MVB12B: variants seen among roughly 807,000 people sequenced by gnomAD.
MVB12B encodes the protein ESCRT-I complex subunit MVB12B.
In MVB12B, 16 loss-of-function variants were observed where a neutral mutation model predicts 41.6. The observed-to-expected ratio is 0.38, with a 90% CI of 0.26 to 0.58. MVB12B has a LOEUF of 0.58. Ranked by LOEUF, MVB12B falls within the 20% of genes least tolerant of loss-of-function variation. The probability of loss-of-function intolerance (pLI) is 0.62; values close to 1 mark genes in which losing one functional copy is unlikely to be tolerated. For missense variants in MVB12B, 274 were observed against 380.2 expected (o/e 0.72, Z 2.32); for synonymous variants, 133 against 139.7 (o/e 0.95, Z 0.34).
rs1026562656 is a variant in MVB12B at position 126,346,556 on chromosome 9, C to T, written c.204+5926C>T. Among the ~76,000 whole-genome samples the T allele has an allele frequency of 3.9e-5, 6 of 152,134 alleles. No homozygotes were observed. In the East Asian group the frequency reaches 7.8e-4, roughly 20 times the overall value. ...TTTGAGCTGCTTGTATGACATCTAG[C>T]GGAGCCCTGGGGCTGAAGGTCTGGA... On this transcript the variant is annotated intron_variant, in intron 2 of 9. Transcript: ENST00000361171.
chr9:126,361,167 T>A (rs1418681656), intron 2 of MVB12B, among the ~76,000 whole-genome samples: 1 of 152,182 alleles, frequency 6.6e-6, no homozygotes, highest in Non-Finnish European at 1.5e-5. Context: ...CAACATTTTT[T>A]ATTAATTATT....
chr9:126,390,951 C>CAA (rs1214109113), intron 4 of MVB12B, among the ~76,000 whole-genome samples: 18 of 76,574 alleles, frequency 2.4e-4, no homozygotes, highest in East Asian at 6.8e-4. Flanking sequence ...GACTCCATCT[C>CAA]AAAAAAAAAA....
intron 5 of MVB12B, among the ~76,000 whole-genome samples, chr9:126,394,955 C>T (rs903568570): frequency 6.6e-6 from 1 of 151,966 alleles, no homozygotes; most frequent in Non-Finnish European, 1.5e-5. Flanking sequence ...TAGTAGGGGG[C>T]GGGGCTGTGG....
intron 7 of MVB12B, among the ~76,000 whole-genome samples, chr9:126,461,383 A>G (rs758860017): frequency 2.2e-4 from 34 of 152,204 alleles, no homozygotes; most frequent in Non-Finnish European, 4.6e-4. Context: ...AAAAAAAAAA[A>G]GAGCTAAACA....
intron 7 of MVB12B, among the ~76,000 whole-genome samples, chr9:126,450,664 C>G (rs1183389345): frequency 6.6e-6 from 1 of 152,162 alleles, no homozygotes; most frequent in Non-Finnish European, 1.5e-5. Flanking sequence ...GAGTGCTTCA[C>G]CCAAACTCTC....
intron 2 of MVB12B, among the ~76,000 whole-genome samples, chr9:126,378,818 C>T (rs1830559703): frequency 6.6e-6 from 1 of 152,138 alleles, no homozygotes; most frequent in South Asian, 2.1e-4. Context: ...AACAGTGAAG[C>T]GTGGGCTCAA....
intron 6 of MVB12B, among the ~76,000 whole-genome samples, chr9:126,409,081 G>C (rs903203395): frequency 3.2e-4 from 48 of 152,122 alleles, no homozygotes; most frequent in African/African-American, 9.9e-4. Flanking sequence ...ATTCTGCTGA[G>C]CCCCTGGCCA....
At chr9:126,449,534 T>C (rs1213254547) in intron 7 of MVB12B, among the ~76,000 whole-genome samples, 2 of 152,132 alleles carry the variant, frequency 1.3e-5, no homozygotes, top group Non-Finnish European at 2.9e-5. Context: ...TCATTCTTCA[T>C]GGTTAAGAAT....
intron 6 of MVB12B, among the ~76,000 whole-genome samples, chr9:126,406,227 C>T (rs1328294408): frequency 6.6e-6 from 1 of 152,192 alleles, no homozygotes; most frequent in Admixed American, 6.5e-5. Context: ...CTCAGGGCTT[C>T]CTGATGGAAC....
chr9:126,386,351 T>G lies in MVB12B; in HGVS notation c.313-211T>G, dbSNP rs1315360774. On this transcript the variant is annotated intron_variant, in intron 3 of 9. Coordinates refer to ENST00000361171, the MANE Select transcript of MVB12B (RefSeq NM_033446.3). The surrounding 1 kb of genome is among the most constrained non-coding windows in gnomAD (Gnocchi z 4.3). ...CAAGGCCGTGTCTGAGTTGAGTGGCTTTGAGGTTCCGCAGATGAAACTCCT... is the reference window on the plus strand; with the variant it reads ...CAAGGCCGTGTCTGAGTTGAGTGGCGTTGAGGTTCCGCAGATGAAACTCCT... Among the ~76,000 whole-genome samples, 1 of 152,166 alleles carries G rather than the reference T, an allele frequency of 6.6e-6. No homozygotes were observed. The highest frequency in any genetic ancestry group is 1.5e-5 in the Non-Finnish European group (1 of 68,034).
chr9:126,484,001 C>A lies in MVB12B; in HGVS notation c.842C>A (p.Thr281Asn). 6.2e-7 allele frequency: 1 copy of A among 1,614,078 alleles called. No homozygotes were observed. The highest frequency in any genetic ancestry group is 1.1e-5 in the South Asian group (1 of 91,074). The change falls in exon 9 of 10, where the codon ACC (threonine) becomes AAC (asparagine). Residue 281 changes from threonine (T) to asparagine (N), a missense_variant. Coordinates refer to ENST00000361171, the MANE Select transcript of MVB12B (RefSeq NM_033446.3). ...SMQPFDLLGI[T>N]IKSLAEIEKE... ...CAGCCCTTTGATCTCCTGGGAATCACCATCAAATCTCTAGCAGAAATCGAA... is the reference window on the plus strand; with the variant it reads ...CAGCCCTTTGATCTCCTGGGAATCAACATCAAATCTCTAGCAGAAATCGAA...
In MVB12B at chr9:126,505,498, T is replaced by C. The variant is rs562175310; in HGVS notation, c.*2235T>C. 1 of 152,314 alleles carries C rather than the reference T, an allele frequency of 6.6e-6. No homozygotes were observed. Among genetic ancestry groups the C allele is most frequent in the East Asian group, 1.9e-4 (1 of 5,174 alleles). 9.4% of individuals were successfully genotyped at this position (152,314 alleles called of 1,614,324 possible). ...TCTCCATAGCATTACGGACTTAGCATAAGAGTAAATGACTGTGAACGTTGT... is the reference window on the plus strand; with the variant it reads ...TCTCCATAGCATTACGGACTTAGCACAAGAGTAAATGACTGTGAACGTTGT... On this transcript the variant is annotated 3_prime_UTR_variant, in exon 10 of 10. Coordinates refer to ENST00000361171, the MANE Select transcript of MVB12B (RefSeq NM_033446.3).
In MVB12B at chr9:126,436,132, A is replaced by G. The variant is rs1257987428; in HGVS notation, c.757+14184A>G. On this transcript the variant is annotated intron_variant, in intron 7 of 9. Coordinates refer to ENST00000361171, the MANE Select transcript of MVB12B (RefSeq NM_033446.3). This position sits in a 1 kb window ranked among gnomAD's most constrained non-coding sequence, Gnocchi z 4.1. ...GAGATGCTGTTTTTTGGATCACTGCACAAGAATTGCTTTTATCTTCATCTT... is the reference window on the plus strand; with the variant it reads ...GAGATGCTGTTTTTTGGATCACTGCGCAAGAATTGCTTTTATCTTCATCTT... 1.3e-5 allele frequency among the ~76,000 whole-genome samples: 2 copies of G among 152,244 alleles called. No individual in the cohort carries two copies. Among genetic ancestry groups the G allele is most frequent in the Admixed American group, 6.5e-5 (1 of 15,282 alleles).
At chr9:126,397,393 G>GGGTA (rs1197517217) in intron 6 of MVB12B, 1 of 985,332 alleles carries the variant, frequency 1.0e-6, no homozygotes, top group African/African-American at 1.7e-5. Context: ...TGGGTTTGGA[G>GGGTA]GGTAGTGCGT....
intron 2 of MVB12B, among the ~76,000 whole-genome samples, chr9:126,347,281 C>T (rs1829621264): frequency 6.6e-6 from 1 of 152,238 alleles, no homozygotes; most frequent in Non-Finnish European, 1.5e-5. Flanking sequence ...GGGAAGCCAG[C>T]CTTGGGCTCG....
At chr9:126,434,384 C>T (rs1481183638) in intron 7 of MVB12B, among the ~76,000 whole-genome samples, 1 of 152,192 alleles carries the variant, frequency 6.6e-6, no homozygotes, top group Admixed American at 6.5e-5. Flanking sequence ...GAACTCTCCT[C>T]CAAGGTTGAG....
chr9:126,421,093 C>T (rs1388405449), intron 6 of MVB12B, among the ~76,000 whole-genome samples: 1 of 152,060 alleles, frequency 6.6e-6, no homozygotes, highest in African/African-American at 2.4e-5. Context: ...TTTTCCTATT[C>T]GCTTAATTTT....
Position 126,386,634 on chromosome 9 carries a change from C to A in MVB12B, c.385C>A (p.Pro129Thr). 6.2e-7 allele frequency: 1 copy of A among 1,613,730 alleles called. No homozygotes were observed. The highest frequency in any genetic ancestry group is 8.5e-7 in the Non-Finnish European group (1 of 1,179,668). Residue 129 changes from proline (P) to threonine (T), a missense_variant, in exon 4 of 10, where the codon CCA (proline) becomes ACA (threonine). Coordinates refer to ENST00000361171, the MANE Select transcript of MVB12B (RefSeq NM_033446.3). This position sits in a 1 kb window ranked among gnomAD's most constrained non-coding sequence, Gnocchi z 4.3. ...GGACACACTGCCTGTGGGCTTCATC[C>A]CAATTCAGGAGACGGTGGACACACG... ...IKDTLPVGFI[P>T]IQETVDTQEV...
intron 9 of MVB12B, among the ~76,000 whole-genome samples, chr9:126,490,941 C>T (rs1004405145): frequency 6.6e-6 from 1 of 152,214 alleles, no homozygotes; most frequent in Non-Finnish European, 1.5e-5. Flanking sequence ...AGCAATTAGG[C>T]ATTTTTTTCA....
Sources: gnomAD v4.1 joint callset for allele counts (sites outside exome capture counted in the v4.1 genomes callset) on GRCh38, gnomAD v4.1.1 for gene constraint, Gnocchi (gnomAD v3.1) non-coding constraint, MANE v1.5 for transcripts, NCBI Gene and HGNC (gene_info 2026-07-23, HGNC 2026-07-21) for gene names.